The following ESYT2 variants were observed in gnomAD, a reference collection of about 807,000 sequenced individuals.
ESYT2 encodes the protein extended synaptotagmin-2.
ESYT2 carries 54 observed loss-of-function variants against 107.2 expected under a neutral mutation model. The observed-to-expected ratio is 0.50, with a 90% CI of 0.40 to 0.63. ESYT2 has a LOEUF of 0.63. Ranked by LOEUF, ESYT2 falls within the 30% of genes least tolerant of loss-of-function variation. ESYT2 has a pLI of 0.00. For synonymous variants in ESYT2, 491 were observed against 434.1 expected, an observed-to-expected ratio of 1.13 and a Z score of -1.63; for missense variants, 1,020 against 1,094.5, an observed-to-expected ratio of 0.93 and a Z score of 0.96.
intron 13 of ESYT2, among the ~76,000 whole-genome samples, chr7:158,757,520 CAG>C: frequency 6.6e-6 from 1 of 152,198 alleles, no homozygotes; most frequent in Non-Finnish European, 1.5e-5. Flanking sequence ...CAGTGAGAGG[CAG>C]AGCCAAAGGA....
chr7:158,740,180 C>A (rs1837141052), intron 18 of ESYT2, among the ~76,000 whole-genome samples: 2 of 152,206 alleles, frequency 1.3e-5, no homozygotes. Flanking sequence ...CTGCTGCTGG[C>A]TGTTCTAGAG....
intron 7 of ESYT2, 85 bp from the exon 8 acceptor site, chr7:158,767,859 T>C: frequency 1.4e-6 from 2 of 1,481,342 alleles, no homozygotes; most frequent in South Asian, 2.6e-5. Context: ...TTACCACGAA[T>C]ATGATGTAAG....
At chr7:158,735,205 A>G (rs1436020164) in intron 21 of ESYT2, among the ~76,000 whole-genome samples, 2 of 152,250 alleles carry the variant, frequency 1.3e-5, no homozygotes, top group African/African-American at 4.8e-5. Context: ...AGAAATTCAC[A>G]TAAATAAAGC....
chr7:158,759,943 G>T, intron 12 of ESYT2, 115 bp downstream of exon 12: 1 of 883,482 alleles, frequency 1.1e-6, no homozygotes, highest in Non-Finnish European at 1.8e-6. Context: ...ACACAATAAT[G>T]AAAATTACTG....
intron 17 of ESYT2, 86 bp downstream of exon 17, chr7:158,743,443 C>T (rs902733117): frequency 2.1e-5 from 32 of 1,517,696 alleles, no homozygotes; most frequent in Non-Finnish European, 2.6e-5. Context: ...CTTTCTTCAC[C>T]GGCCTCATGC....
Position 158,767,763 on chromosome 7 carries a change from T to A in ESYT2, c.815A>T (p.Asp272Val). 6.2e-7 allele frequency: 1 copy of A among 1,612,240 alleles called. No individual in the cohort carries two copies. ...LDVPGLNGLS[D>V]TIILDIISNY... Reference sequence around the variant, plus strand: ...TGATATTATATCCAAAATGATAGTATCTGATAAACCACTGTTAGTTGGGAG... The same window carrying A: ...TGATATTATATCCAAAATGATAGTAACTGATAAACCACTGTTAGTTGGGAG... The change falls in exon 8 of 23, where the codon GAT becomes GTT. Residue 272 changes from aspartate (D) to valine (V), a missense_variant. Transcript: ENST00000275418.
At chr7:158,796,590 G>A (rs1166532146) in intron 3 of ESYT2, among the ~76,000 whole-genome samples, 1 of 152,246 alleles carries the variant, frequency 6.6e-6, no homozygotes, top group African/African-American at 2.4e-5. Context: ...GCTGACAGAA[G>A]AACGTGGAGC....
chr7:158,756,351 A>G lies in ESYT2; in HGVS notation c.1419+3135T>C, dbSNP rs541319901. On this transcript the variant is annotated intron_variant, in intron 13 of 22. Transcript: ENST00000275418. ...GTATCCAGTGCCAGACGGGCAACAT[A>G]TGATGAGATGGGAACAAAGACACGC... Among the ~76,000 whole-genome samples the G allele has an allele frequency of 3.9e-5, 6 of 152,326 alleles. No homozygotes were observed. The South Asian group carries it at 1.2e-3, about 32-fold the overall frequency.
chr7:158,775,831 C>T (rs842451), intron 6 of ESYT2, among the ~76,000 whole-genome samples: 24,239 of 152,070 alleles, frequency 0.16, 2,285 homozygotes, highest in South Asian at 0.3. Context: ...GAATCCTTTC[C>T]GGAGGTTTTC....
At chr7:158,796,025 G>A (rs1303354011) in intron 3 of ESYT2, among the ~76,000 whole-genome samples, 2 of 152,156 alleles carry the variant, frequency 1.3e-5, no homozygotes, top group Non-Finnish European at 2.9e-5. Flanking sequence ...GAGATCATGG[G>A]GTGTACACTG....
chr7:158,787,443 C>G (rs957333578), intron 6 of ESYT2, among the ~76,000 whole-genome samples: 1 of 152,126 alleles, frequency 6.6e-6, no homozygotes, highest in Non-Finnish European at 1.5e-5. Flanking sequence ...ATTAAACACA[C>G]CCCAAAAGAG....
Position 158,764,773 on chromosome 7 carries a change from C to T in ESYT2, c.1005G>A (p.Lys335=). The change falls in exon 9 of 23, where the codon AAG becomes AAA. Residue 335 remains lysine, a synonymous_variant. Transcript: ENST00000275418. ...CTCTAATGATTCCATAGGGGTCTGA[C>T]TTTCCCTTGACAAGTCCCTTAAGGT... ...DTYLKGLVKG[K]SDPYGIIRVG... The T allele has an allele frequency of 6.2e-7, 1 of 1,614,226 alleles. No individual in the cohort carries two copies. Among genetic ancestry groups the T allele is most frequent in the South Asian group, 1.1e-5 (1 of 91,088 alleles).
intron 6 of ESYT2, among the ~76,000 whole-genome samples, chr7:158,786,398 T>C (rs1246450928): frequency 6.6e-6 from 1 of 152,134 alleles, no homozygotes; most frequent in Non-Finnish European, 1.5e-5. Flanking sequence ...TTCTTAAACA[T>C]AGAGGACTTT....
intron 3 of ESYT2, among the ~76,000 whole-genome samples, chr7:158,794,828 G>T (rs982565004): frequency 2.6e-5 from 4 of 152,260 alleles, no homozygotes; most frequent in African/African-American, 9.6e-5. Context: ...ACTTTGACAA[G>T]CATGAGTGTA....
chr7:158,807,449 C>T (rs549569311), intron 1 of ESYT2, among the ~76,000 whole-genome samples: 13 of 152,120 alleles, frequency 8.5e-5, no homozygotes, highest in East Asian at 1.9e-4. Context: ...AGAAGGAGGT[C>T]GGAAATTTAC....
chr7:158,814,287 TTATATATATATATATATATATATA>T (rs58908927), intron 1 of ESYT2, among the ~76,000 whole-genome samples: 7 of 66,910 alleles, frequency 1.0e-4, no homozygotes, highest in South Asian at 1.1e-3. Context: ...AAAAAAAAAA[TTATATATATATATATATATATATA>T]TATATATATA....
intron 13 of ESYT2, 120 bp downstream of exon 13, chr7:158,759,366 G>A (rs567876846): frequency 2.7e-6 from 2 of 743,022 alleles, no homozygotes; most frequent in South Asian, 2.1e-5. Flanking sequence ...ACTTGGACGT[G>A]AAGTGAAAAC....
chr7:158,821,207 C>T (rs752812315), intron 1 of ESYT2, among the ~76,000 whole-genome samples: 1 of 152,182 alleles, frequency 6.6e-6, no homozygotes, highest in Non-Finnish European at 1.5e-5. Flanking sequence ...TGATCCCATG[C>T]AAAAGACAAC....
intron 3 of ESYT2, among the ~76,000 whole-genome samples, chr7:158,794,481 G>T (rs1441312531): frequency 2.0e-5 from 3 of 152,186 alleles, no homozygotes; most frequent in Non-Finnish European, 4.4e-5. Flanking sequence ...GCAACAGAGT[G>T]AACCCCCATC....
Sources: allele counts gnomAD v4.1 joint callset (sites outside exome capture counted in the v4.1 genomes callset), GRCh38; gene constraint gnomAD v4.1.1; transcripts MANE v1.5; gene names NCBI Gene and HGNC (gene_info 2026-07-23, HGNC 2026-07-21).